The following NOL11 variants were observed in gnomAD, a reference collection of about 807,000 sequenced individuals.
NOL11 encodes the protein nucleolar protein 11.
In NOL11, 42 loss-of-function variants were observed where a neutral mutation model predicts 93.0. The ratio of observed to expected loss-of-function variants is 0.45; its 90% CI spans 0.35 to 0.58. The LOEUF is 0.58. Ranked by LOEUF, NOL11 falls within the 20% of genes least tolerant of loss-of-function variation. The pLI is 0.00. For missense variants in NOL11, 775 were observed against 841.8 expected (o/e 0.92, Z 0.98); for synonymous variants, 296 against 293.7 (o/e 1.01, Z -0.08).
chr17:67,741,676 A>G (rs987620265), intron 16 of NOL11, among the ~76,000 whole-genome samples: 5 of 151,886 alleles, frequency 3.3e-5, no homozygotes, highest in Non-Finnish European at 7.4e-5. Context: ...GGTTCAAGCA[A>G]TTCTCCTGCC....
Position 67,744,014 on chromosome 17 carries a change from G to T in NOL11, c.*155G>T. Reference sequence around the variant, plus strand: ...ACCATCACTTAACTGATGCTCCGGGGTAGGACTGCAGGTTTCACATGAACC... The same window carrying T: ...ACCATCACTTAACTGATGCTCCGGGTTAGGACTGCAGGTTTCACATGAACC... On this transcript the variant is annotated 3_prime_UTR_variant, in exon 18 of 18. Coordinates refer to ENST00000253247, the MANE Select transcript of NOL11 (RefSeq NM_015462.5). 2.3e-6 allele frequency: 1 copy of T among 428,072 alleles called. No homozygotes were observed. The highest frequency in any genetic ancestry group is 4.1e-6 in the Non-Finnish European group (1 of 241,830). The allele number at this position is 428,072 out of a possible 1,614,324, so 26.5% of individuals were successfully genotyped here. A position where few individuals can be genotyped will look rare whatever the true frequency, so the allele number is the denominator to read the frequency against.
At chr17:67,726,871 A>G in intron 7 of NOL11, 1 of 389,056 alleles carries the variant, frequency 2.6e-6, no homozygotes, top group Non-Finnish European at 4.6e-6. Flanking sequence ...CACCATGCTC[A>G]TAACTATGTC....
At position 67,737,989 on chromosome 17, in the gene NOL11, T is replaced by C. The variant is rs373614306; in HGVS notation, c.1529+17T>C. On this transcript the variant is annotated intron_variant, in intron 13 of 17. Coordinates refer to ENST00000253247, the MANE Select transcript of NOL11 (RefSeq NM_015462.5). Reference sequence around the variant, plus strand: ...TTTCTTGAGGTAAGTTAGACTCCAATGGTCCTTTTTCTTCACTACATTTAT... The same window carrying C: ...TTTCTTGAGGTAAGTTAGACTCCAACGGTCCTTTTTCTTCACTACATTTAT... 35 of 1,590,278 alleles carry C rather than the reference T, an allele frequency of 2.2e-5. No individual in the cohort carries two copies. The African/African-American group carries it at 4.6e-4, about 21-fold the overall frequency.
rs539226491 is a variant in NOL11, at chr17:67,729,164, G to A, written c.853+2516G>A. ...GGGTGGAGTGCAGTGGCGGGATCTC[G>A]GCTCACTGCAACCTCTGCCTCCCAG... On this transcript the variant is annotated intron_variant, in intron 7 of 17. Transcript: ENST00000253247. 1.7e-4 allele frequency among the ~76,000 whole-genome samples: 26 copies of A among 151,336 alleles called. 1 individual carries two copies. The highest frequency in any genetic ancestry group is 5.8e-4 in the African/African-American group (24 of 41,270).
At chr17:67,736,832 A>G (rs2055206490) in intron 10 of NOL11, 78 bp downstream of exon 10, 1 of 1,091,802 alleles carries the variant, frequency 9.2e-7, no homozygotes, top group Non-Finnish European at 1.4e-6. Flanking sequence ...TTAATGAATC[A>G]TATCCTTACA....
At chr17:67,731,565 C>T (rs1024755667) in intron 7 of NOL11, among the ~76,000 whole-genome samples, 5 of 152,186 alleles carry the variant, frequency 3.3e-5, no homozygotes, top group Admixed American at 6.6e-5. Context: ...ATTTTTCTTT[C>T]GTTGCTTGTG....
At chr17:67,730,398 C>G (rs1275154560) in intron 7 of NOL11, among the ~76,000 whole-genome samples, 1 of 152,052 alleles carries the variant, frequency 6.6e-6, no homozygotes, top group Admixed American at 6.6e-5. Context: ...GTAGCTGGGA[C>G]TACAGGTGGG....
At chr17:67,734,491 T>G (rs1221193026) in intron 8 of NOL11, 52 bp downstream of exon 8, 2 of 1,176,170 alleles carry the variant, frequency 1.7e-6, no homozygotes, top group Non-Finnish European at 2.5e-6. Context: ...TTGTTGTGTT[T>G]TGTTTTGCTT....
In NOL11 at chr17:67,721,501, G is replaced by C; in HGVS notation, c.436G>C (p.Val146Leu). The change falls in exon 4 of 18, where the codon GTT (valine) becomes CTT (leucine). Residue 146 changes from valine to leucine, a missense_variant. By Grantham distance (32) the Val-to-Leu change is conservative (BLOSUM62 1). Coordinates refer to ENST00000253247, the MANE Select transcript of NOL11 (RefSeq NM_015462.5). Reference protein sequence around the residue: ...LADPQQKIETVISDEEVIKWT... With the variant: ...LADPQQKIETLISDEEVIKWT... ...AGACCCCCAGCAGAAAATTGAAACT[G>C]TTATCTCTGATGAAGAAGTGATTAA... 6.2e-7 allele frequency: 1 copy of C among 1,613,592 alleles called. No individual in the cohort carries two copies.
intron 16 of NOL11, chr17:67,743,272 AT>A: frequency 1.1e-5 from 4 of 352,876 alleles, no homozygotes; most frequent in Non-Finnish European, 1.0e-5. Context: ...CATCTCTAAA[AT>A]TTTTTTTAAT....
Position 67,737,710 on chromosome 17 carries a change from C to T in NOL11, c.1403+18C>T, listed in dbSNP as rs749844072. On this transcript the variant is annotated intron_variant, in intron 12 of 17. Coordinates refer to ENST00000253247, the MANE Select transcript of NOL11 (RefSeq NM_015462.5). ...TCTTACAGGTAGCTGTTTGTGTGTA[C>T]CACACTGTACGTGCATAATTCTTCT... 8.3e-5 allele frequency: 133 copies of T among 1,607,548 alleles called. 2 individuals carry two copies. The South Asian group carries it at 1.5e-3, about 18-fold the overall frequency.
At chr17:67,736,083 G>A (rs369251284) in intron 9 of NOL11, 60 bp downstream of exon 9, 104 of 1,422,812 alleles carry the variant, frequency 7.3e-5, no homozygotes, top group African/African-American at 1.2e-4. Context: ...TTGTAGTTTC[G>A]TACAGATTCC....
intron 7 of NOL11, among the ~76,000 whole-genome samples, chr17:67,733,293 A>C (rs2055171685): frequency 6.6e-6 from 1 of 152,142 alleles, no homozygotes; most frequent in African/African-American, 2.4e-5. Flanking sequence ...TGAACCCAGG[A>C]GGCAGAGGTT....
intron 3 of NOL11, 130 bp from the exon 4 acceptor site, chr17:67,721,248 A>G: frequency 1.7e-6 from 1 of 584,734 alleles, no homozygotes; most frequent in South Asian, 3.3e-5. Context: ...GGAACCATAC[A>G]TAATTATAAA....
rs879650177 is a variant in NOL11, at chr17:67,719,550, C to T, written c.142-124C>T. ...CTGGGATTACAGGCGTGAGCCACTG[C>T]CCTCGGCCAGTAAATTTTTTAAATG... On this transcript the variant is annotated intron_variant, in intron 1 of 17. Transcript: ENST00000253247. 24 of 568,448 alleles carry T rather than the reference C, an allele frequency of 4.2e-5. No homozygotes were observed. The Admixed American group carries it at 7.8e-4, about 19-fold the overall frequency. 35.2% of individuals were successfully genotyped at this position (568,448 alleles called of 1,614,324 possible).
chr17:67,738,351 CTACTG>C lies in NOL11; in HGVS notation c.1762_1763+3del. Reference sequence around the variant, plus strand: ...CCCTGTGGTACAAAAAAGAGCAGCTCTACTGTATCCTTTGACATAGAGCATCCCTC... The same window carrying C: ...CCCTGTGGTACAAAAAAGAGCAGCTCTATCCTTTGACATAGAGCATCCCTC... On this transcript the variant is annotated splice_donor_variant and coding_sequence_variant, in exon 14 of 18. Coordinates refer to ENST00000253247, the MANE Select transcript of NOL11 (RefSeq NM_015462.5). LOFTEE classifies it high-confidence loss of function. The C allele has an allele frequency of 1.2e-6, 2 of 1,600,724 alleles. No individual in the cohort carries two copies. Among genetic ancestry groups the C allele is most frequent in the Non-Finnish European group, 1.7e-6 (2 of 1,170,674 alleles).
At chr17:67,730,568 G>A (rs2055144894) in intron 7 of NOL11, among the ~76,000 whole-genome samples, 1 of 152,232 alleles carries the variant, frequency 6.6e-6, no homozygotes, top group African/African-American at 2.4e-5. Flanking sequence ...CTGTGTACCA[G>A]TTTTTAATTC....
intron 7 of NOL11, among the ~76,000 whole-genome samples, chr17:67,732,108 TC>T (rs1316367062): frequency 6.8e-6 from 1 of 147,150 alleles, no homozygotes; most frequent in Non-Finnish European, 1.5e-5. Flanking sequence ...ACACAGGATA[TC>T]TCTATTTATT....
At chr17:67,737,433 TGTGCTAGGAAACGTTAAGTTCAG>T (rs2055212381) in intron 11 of NOL11, 52 bp from the exon 12 acceptor site, 1 of 1,208,540 alleles carries the variant, frequency 8.3e-7, no homozygotes, top group African/African-American at 1.5e-5. Flanking sequence ...GAGAAAATGT[TGTGCTAGGAAACGTTAAGTTCAG>T]AGTGACATTC....
Sources: allele counts gnomAD v4.1 joint callset (sites outside exome capture counted in the v4.1 genomes callset), GRCh38; gene constraint gnomAD v4.1.1; transcripts MANE v1.5; gene names NCBI Gene and HGNC (gene_info 2026-07-23, HGNC 2026-07-21).